The following DCLK1 variants were observed in gnomAD, a reference collection of about 807,000 sequenced individuals.
DCLK1 encodes the protein doublecortin like kinase 1, also known as serine/threonine-protein kinase DCLK1.
A neutral mutation model predicts 86.2 loss-of-function variants in DCLK1; 16 were observed. The observed-to-expected ratio is 0.19, with a 90% CI of 0.13 to 0.28. The LOEUF (loss-of-function observed/expected upper bound fraction) is 0.28. DCLK1 is among the 10% of genes least tolerant of loss of function. DCLK1 has a pLI of 1.00. For missense variants in DCLK1, 590 were observed against 940.2 expected, an observed-to-expected ratio of 0.63 and a Z score of 4.87; for synonymous variants, 369 against 370.5, an observed-to-expected ratio of 1.00 and a Z score of 0.05.
chr13:35,873,853 C>T (rs1012940650), intron 4 of DCLK1, among the ~76,000 whole-genome samples: 11 of 152,156 alleles, frequency 7.2e-5, no homozygotes, highest in African/African-American at 1.4e-4. Flanking sequence ...TTTTCCCACA[C>T]GCATATTAGC....
At chr13:35,795,760 A>C (rs1403974756) in intron 15 of DCLK1, among the ~76,000 whole-genome samples, 1 of 152,082 alleles carries the variant, frequency 6.6e-6, no homozygotes, top group African/African-American at 2.4e-5. Flanking sequence ...GACTCTACTA[A>C]AAATACAAAA....
At chr13:35,868,659 A>T (rs980988597) in intron 5 of DCLK1, among the ~76,000 whole-genome samples, 1 of 152,176 alleles carries the variant, frequency 6.6e-6, no homozygotes, top group African/African-American at 2.4e-5. Flanking sequence ...ATAGGCTCTC[A>T]TTCTCTTTCA....
chr13:35,849,493 A>G, intron 6 of DCLK1: 3 of 984,484 alleles, frequency 3.0e-6, no homozygotes, highest in Non-Finnish European at 3.6e-6. Flanking sequence ...TGAACTAGTA[A>G]AAGTAAATGA....
intron 12 of DCLK1, among the ~76,000 whole-genome samples, chr13:35,809,808 T>A (rs1432053733): frequency 2.6e-5 from 4 of 152,304 alleles, no homozygotes; most frequent in South Asian, 4.1e-4. Context: ...CCCTCACATC[T>A]CGCCTCAGGA....
rs1442218797 is a variant in DCLK1, at chr13:35,950,095, A to C, written c.724-2638T>G. ...CCGTGCTTTCTGTTCGAAATCATGT[A>C]ACCACTTTCCTGCTCACAACTTCCC... is the stretch of plus-strand genomic sequence containing the variant. On this transcript the variant is annotated intron_variant, in intron 3 of 16. Coordinates refer to ENST00000360631, the MANE Select transcript of DCLK1 (RefSeq NM_001330071.2). Among the ~76,000 whole-genome samples, 4 of 152,190 alleles carry C rather than the reference A, an allele frequency of 2.6e-5. No individual in the cohort carries two copies. In the South Asian group the frequency reaches 8.3e-4, roughly 32 times the overall value.
chr13:35,926,059 T>A (rs1406661089), intron 4 of DCLK1, among the ~76,000 whole-genome samples: 3 of 116,746 alleles, frequency 2.6e-5, no homozygotes, highest in African/African-American at 1.6e-4. Flanking sequence ...AAATGTAATC[T>A]TTTTTTTTTT....
intron 4 of DCLK1, among the ~76,000 whole-genome samples, chr13:35,945,891 G>A (rs750809718): frequency 5.3e-5 from 8 of 152,316 alleles, no homozygotes; most frequent in Middle Eastern, 3.4e-3. Context: ...CACTTGTCTA[G>A]TTATGGTCCT....
intron 10 of DCLK1, among the ~76,000 whole-genome samples, chr13:35,826,585 T>C (rs987578001): frequency 7.4e-6 from 1 of 135,702 alleles, no homozygotes; most frequent in Admixed American, 7.5e-5. Flanking sequence ...TGAAGTAGAC[T>C]AAAAATAAAT....
chr13:36,056,659 A>AC (rs1883329886), intron 3 of DCLK1, among the ~76,000 whole-genome samples: 1 of 122,104 alleles, frequency 8.2e-6, no homozygotes, highest in Non-Finnish European at 1.6e-5. Context: ...AGAGCACACA[A>AC]AAAAAAAAAT....
intron 16 of DCLK1, among the ~76,000 whole-genome samples, chr13:35,791,870 A>C (rs1431174459): frequency 1.3e-5 from 2 of 152,232 alleles, no homozygotes; most frequent in African/African-American, 2.4e-5. Context: ...GTCCATTCCA[A>C]AAGAAAACTG....
chr13:35,978,622 G>A (rs950612115), intron 3 of DCLK1, among the ~76,000 whole-genome samples: 1 of 151,850 alleles, frequency 6.6e-6, no homozygotes, highest in Non-Finnish European at 1.5e-5. Context: ...ATCATACACA[G>A]CAGAATAATT....
At chr13:35,857,206 G>A (rs1368697430) in intron 5 of DCLK1, among the ~76,000 whole-genome samples, 2 of 152,072 alleles carry the variant, frequency 1.3e-5, no homozygotes, top group African/African-American at 4.8e-5. Flanking sequence ...CTATCTTCAG[G>A]AGGGACTGTC....
chr13:36,026,680 T>C (rs1882046425), intron 3 of DCLK1, among the ~76,000 whole-genome samples: 1 of 152,194 alleles, frequency 6.6e-6, no homozygotes, highest in Admixed American at 6.5e-5. Context: ...AATAATAAGG[T>C]TGGATTATTT....
intron 5 of DCLK1, among the ~76,000 whole-genome samples, chr13:35,860,135 A>G (rs886706809): frequency 2.6e-5 from 4 of 152,154 alleles, no homozygotes; most frequent in Non-Finnish European, 4.4e-5. Flanking sequence ...GTGTTTGCAT[A>G]TATGTGTGTG....
At chr13:35,810,460 A>G (rs1376196338) in intron 12 of DCLK1, among the ~76,000 whole-genome samples, 6 of 152,202 alleles carry the variant, frequency 3.9e-5, no homozygotes, top group Admixed American at 2.0e-4. Context: ...GCAGAGAGAA[A>G]TAACTGCAGG....
intron 3 of DCLK1, among the ~76,000 whole-genome samples, chr13:35,959,963 G>C (rs1415229475): frequency 6.6e-6 from 1 of 151,876 alleles, no homozygotes; most frequent in Non-Finnish European, 1.5e-5. Flanking sequence ...TCCTGTCCTG[G>C]GAAAGGGTTG....
chr13:36,099,114 C>A (rs924096374), intron 3 of DCLK1, among the ~76,000 whole-genome samples: 2 of 151,854 alleles, frequency 1.3e-5, no homozygotes, highest in Non-Finnish European at 1.5e-5. Flanking sequence ...ATTACAGGTG[C>A]GTGCCACCAC....
At chr13:36,107,209 C>T (rs1452852216) in intron 3 of DCLK1, among the ~76,000 whole-genome samples, 2 of 152,114 alleles carry the variant, frequency 1.3e-5, no homozygotes, top group Non-Finnish European at 2.9e-5. Context: ...AGTTATGATG[C>T]TTTCTCATGG....
intron 4 of DCLK1, among the ~76,000 whole-genome samples, chr13:35,897,549 ATATTCTTGGAGAACTTTTCCCAT>A (rs1386860637): frequency 6.6e-6 from 1 of 152,234 alleles, no homozygotes; most frequent in Non-Finnish European, 1.5e-5. Flanking sequence ...ATGATAAGCC[ATATTCTTGGAGAACTTTTCCCAT>A]TAAAGGCTGT....
Sources: gnomAD v4.1 joint callset for allele counts (sites outside exome capture counted in the v4.1 genomes callset) on GRCh38, gnomAD v4.1.1 for gene constraint, MANE v1.5 for transcripts, NCBI Gene and HGNC (gene_info 2026-07-23, HGNC 2026-07-21) for gene names.